The following MID1 variants were observed in gnomAD, a reference collection of about 807,000 sequenced individuals.
The protein encoded by MID1 is E3 ubiquitin-protein ligase Midline-1.
In MID1, 7 loss-of-function variants were observed where a neutral mutation model predicts 40.4. The ratio of observed to expected loss-of-function variants is 0.17; its 90% CI spans 0.10 to 0.33. MID1 has a LOEUF of 0.33. Ranked by LOEUF, MID1 falls within the 10% of genes least tolerant of loss-of-function variation. MID1 has a pLI of 1.00. For missense variants in MID1, 367 were observed against 558.5 expected, an observed-to-expected ratio of 0.66 and a Z score of 3.46; for synonymous variants, 229 against 221.2, an observed-to-expected ratio of 1.04 and a Z score of -0.31.
At chrX:10,613,972 T>C (rs1227809900) in intron 1 of MID1, among the ~76,000 whole-genome samples, 1 of 108,168 alleles carries the variant, frequency 9.2e-6, no homozygotes, top group African/African-American at 3.4e-5. Context: ...GCATTTTCCA[T>C]TCTCTTTTTT....
chrX:10,532,695 G>A (rs983961435), intron 2 of MID1, among the ~76,000 whole-genome samples: 1 of 111,816 alleles, frequency 8.9e-6, no homozygotes, highest in African/African-American at 3.3e-5. Context: ...TAAACCAGAG[G>A]TTGGCAAACT....
intron 1 of MID1, among the ~76,000 whole-genome samples, chrX:10,718,445 G>A (rs1321458242): frequency 2.7e-5 from 3 of 111,534 alleles, no homozygotes; most frequent in Non-Finnish European, 5.7e-5. Flanking sequence ...TAGAAAATCC[G>A]GAAGAAATGG....
rs111787160 is a variant in MID1 at position 10,540,084 on chromosome X, C to T, written c.661-16897G>A. Among the ~76,000 whole-genome samples, 1,016 of 112,106 alleles carry T rather than the reference C, an allele frequency of 9.1e-3. 11 individuals carry two copies. The highest frequency in any genetic ancestry group is 0.031 in the African/African-American group (962 of 30,893). On this transcript the variant is annotated intron_variant, in intron 2 of 9. Transcript: ENST00000317552. ...GCTGTGGTTGCACATGCCTGTGATC[C>T]CAGCTACTCAGGAGGCTGAGGCACA...
chrX:10,593,610 G>A (rs1165336182), intron 1 of MID1, among the ~76,000 whole-genome samples: 1 of 111,260 alleles, frequency 9.0e-6, no homozygotes, highest in Non-Finnish European at 1.9e-5. Flanking sequence ...AGGAGATTGG[G>A]AAAATGTTAG....
At chrX:10,562,701 G>A (rs1017507632) in intron 2 of MID1, among the ~76,000 whole-genome samples, 1 of 105,723 alleles carries the variant, frequency 9.5e-6, no homozygotes, top group African/African-American at 3.8e-5. Flanking sequence ...CAAGTCCAAA[G>A]TTGACTTGTA....
intron 3 of MID1, chrX:10,501,565 G>A: frequency 8.8e-7 from 1 of 1,139,345 alleles, no homozygotes; most frequent in East Asian, 3.3e-5. Context: ...ACAGTCTGAT[G>A]AAAGAGATAT....
intron 1 of MID1, among the ~76,000 whole-genome samples, chrX:10,683,061 A>G (rs868748745): frequency 3.6e-5 from 4 of 111,911 alleles, no homozygotes; most frequent in Middle Eastern, 4.6e-3. Flanking sequence ...CAACTTTGGC[A>G]TACTGTGCTC....
intron 1 of MID1, among the ~76,000 whole-genome samples, chrX:10,699,825 CTT>C (rs768645495): frequency 9.8e-6 from 1 of 102,131 alleles, no homozygotes; most frequent in Non-Finnish European, 2.0e-5. Flanking sequence ...TAGCTCAATA[CTT>C]TTTTTTTTTT....
intron 1 of MID1, among the ~76,000 whole-genome samples, chrX:10,613,732 TAGAG>T (rs1163813461): frequency 0.019 from 323 of 17,369 alleles, 3 homozygotes; most frequent in South Asian, 0.027. Flanking sequence ...TATATATATA[TAGAG>T]AGAGAGAGAG....
At chrX:10,566,799 A>G (rs1485358444) in intron 2 of MID1, 89 bp downstream of exon 2, 8 of 1,008,967 alleles carry the variant, frequency 7.9e-6, no homozygotes, top group Non-Finnish European at 1.1e-5. Context: ...GAAAACCTTC[A>G]CCTGCCATGT....
intron 1 of MID1, among the ~76,000 whole-genome samples, chrX:10,663,250 A>G (rs1206562633): frequency 9.0e-6 from 1 of 110,733 alleles, no homozygotes; most frequent in Non-Finnish European, 1.9e-5. Flanking sequence ...TATCCCCCCA[A>G]TAAAAGAAAT....
At chrX:10,658,012 G>A (rs936947429) in intron 1 of MID1, among the ~76,000 whole-genome samples, 3 of 111,345 alleles carry the variant, frequency 2.7e-5, no homozygotes, top group African/African-American at 9.8e-5. Context: ...TATTACACAT[G>A]TTTACACTCC....
chrX:10,528,493 T>G (rs962587823), intron 2 of MID1, among the ~76,000 whole-genome samples: 2 of 111,855 alleles, frequency 1.8e-5, no homozygotes, highest in African/African-American at 6.5e-5. Flanking sequence ...ATTTCAGGCT[T>G]TATTGGCCAT....
chrX:10,524,925 T>C (rs1352719850), intron 2 of MID1, among the ~76,000 whole-genome samples: 1 of 111,134 alleles, frequency 9.0e-6, no homozygotes, highest in Non-Finnish European at 1.9e-5. Context: ...ATCAGAGAGG[T>C]TGAGAGGGCA....
chrX:10,651,369 A>G (rs963732380), intron 1 of MID1, among the ~76,000 whole-genome samples: 7 of 112,166 alleles, frequency 6.2e-5, no homozygotes, highest in Non-Finnish European at 9.4e-5. Flanking sequence ...ATGAGTTCAC[A>G]GATGTTGGAG....
chrX:10,535,344 C>T (rs1170631813), intron 2 of MID1, among the ~76,000 whole-genome samples: 3 of 111,969 alleles, frequency 2.7e-5, no homozygotes, highest in Non-Finnish European at 3.8e-5. Context: ...CAATTTACTA[C>T]TTTTATACTT....
chrX:10,577,051 TTCCCTA>T (rs1023102453), intron 1 of MID1: 9 of 112,124 alleles, frequency 8.0e-5, no homozygotes, highest in African/African-American at 2.9e-4. Context: ...CCGCCACAAC[TTCCCTA>T]TCCTCTGGCC....
chrX:10,465,551 A>G (rs1929343293), intron 7 of MID1, among the ~76,000 whole-genome samples: 1 of 111,206 alleles, frequency 9.0e-6, no homozygotes, highest in African/African-American at 3.3e-5. Flanking sequence ...TAATTATTTG[A>G]TTTGGAGCTA....
chrX:10,699,983 C>T (rs367787062), intron 1 of MID1, among the ~76,000 whole-genome samples: 7 of 109,470 alleles, frequency 6.4e-5, no homozygotes, highest in East Asian at 2.9e-4. Flanking sequence ...CCACCACGCC[C>T]GGCTAATTTT....
Sources: allele counts gnomAD v4.1 joint callset (sites outside exome capture counted in the v4.1 genomes callset), GRCh38; gene constraint gnomAD v4.1.1; transcripts MANE v1.5; gene names NCBI Gene and HGNC (gene_info 2026-07-23, HGNC 2026-07-21).